The following ZNF362 variants were observed in gnomAD, a reference collection of about 807,000 sequenced individuals.
ZNF362 encodes the protein rotund homolog.
ZNF362 carries 11 observed loss-of-function variants against 42.9 expected under a neutral mutation model. That is an observed-to-expected ratio of 0.26 (90% CI 0.16 to 0.42). ZNF362 has a LOEUF of 0.42. Among genes scored for constraint, ZNF362 ranks in the 20% least tolerant of loss-of-function variants. The pLI is 1.00. For missense variants in ZNF362, 362 were observed against 576.2 expected, an observed-to-expected ratio of 0.63 and a Z score of 3.81; for synonymous variants, 255 against 257.3, an observed-to-expected ratio of 0.99 and a Z score of 0.09.
the ZNF362 span, chr1:33,164,012 GA>G: frequency 6.6e-6 from 1 of 152,326 alleles, no homozygotes; most frequent in Non-Finnish European, 1.5e-5. Flanking sequence ...TGGGGAGAAG[GA>G]ACAGCCCATA....
the ZNF362 span, among the ~76,000 whole-genome samples, chr1:33,247,555 G>C: frequency 6.6e-6 from 1 of 152,262 alleles, no homozygotes; most frequent in African/African-American, 2.4e-5. Context: ...CGAACCAGAT[G>C]TTATGATGTG....
Position 33,281,734 on chromosome 1 carries a change from C to T in ZNF362, c.831C>T (p.His277=), listed in dbSNP as rs1645996227. The part of the protein sequence containing the change: ...ASYLAQHLRI[H]LGVKPYHCSY... Reference sequence around the variant, plus strand: ...ACCTGGCCCAGCACCTGCGCATCCACCTGGGCGTCAAGCCCTACCACTGCT... The same window carrying T: ...ACCTGGCCCAGCACCTGCGCATCCATCTGGGCGTCAAGCCCTACCACTGCT... Residue 277 remains histidine (H), a synonymous_variant, in exon 6 of 9, where the codon CAC becomes CAT. Coordinates refer to ENST00000539719, the MANE Select transcript of ZNF362 (RefSeq NM_152493.3). This position sits in a 1 kb window ranked among gnomAD's most constrained non-coding sequence, Gnocchi z 4.8. 6.2e-7 allele frequency: 1 copy of T among 1,614,266 alleles called. No homozygotes were observed. Among genetic ancestry groups the T allele is most frequent in the Non-Finnish European group, 8.5e-7 (1 of 1,180,048 alleles).
the ZNF362 span, among the ~76,000 whole-genome samples, chr1:33,224,807 T>A: frequency 6.6e-6 from 1 of 152,220 alleles, no homozygotes; most frequent in African/African-American, 2.4e-5. Flanking sequence ...TTAAGAATTA[T>A]GAACTCTATA....
At chr1:33,201,567 A>T in the ZNF362 span, among the ~76,000 whole-genome samples, 2 of 152,222 alleles carry the variant, frequency 1.3e-5, no homozygotes, top group African/African-American at 4.8e-5. Context: ...AAATCAAAAG[A>T]CAAATTAAAA....
At chr1:33,247,824 T>C in the ZNF362 span, among the ~76,000 whole-genome samples, 4 of 152,200 alleles carry the variant, frequency 2.6e-5, no homozygotes, top group East Asian at 1.9e-4. Context: ...AGACAATTTA[T>C]GGATGATAGA....
chr1:33,228,938 T>A, the ZNF362 span, among the ~76,000 whole-genome samples: 1 of 152,152 alleles, frequency 6.6e-6, no homozygotes, highest in Admixed American at 6.5e-5. Flanking sequence ...GGTCCCTCCC[T>A]CTCTGCAGCC....
At chr1:33,162,667 C>G in the ZNF362 span, among the ~76,000 whole-genome samples, 1 of 152,028 alleles carries the variant, frequency 6.6e-6, no homozygotes, top group East Asian at 1.9e-4. Context: ...TTCAATGTCT[C>G]AAGGACGAGA....
chr1:33,276,419 G>A lies in ZNF362; in HGVS notation c.174G>A (p.Leu58=). The change falls in exon 4 of 9, where the codon CTG becomes CTA. Residue 58 remains leucine, a synonymous_variant. Coordinates refer to ENST00000539719, the MANE Select transcript of ZNF362 (RefSeq NM_152493.3). The stretch of plus-strand genomic sequence containing the variant: ...CCGAGAAGATCAGGCCGCCTCACCT[G>A]CCGCCCACGTCGGCCTCGTCGCAGC... ...LMAEKIRPPH[L]PPTSASSQQP... The A allele has an allele frequency of 6.3e-7, 1 of 1,582,536 alleles. No individual in the cohort carries two copies.
At chr1:33,166,724 C>A in the ZNF362 span, among the ~76,000 whole-genome samples, 18 of 152,036 alleles carry the variant, frequency 1.2e-4, no homozygotes, top group Non-Finnish European at 2.2e-4. Context: ...CATGATGACT[C>A]CTGCGATGAA....
chr1:33,179,209 TG>T, the ZNF362 span, among the ~76,000 whole-genome samples: 1 of 152,356 alleles, frequency 6.6e-6, no homozygotes, highest in South Asian at 2.1e-4. Flanking sequence ...ACGATGGCTC[TG>T]GGGGTGGAGG....
chr1:33,276,559 C>A lies in ZNF362; in HGVS notation c.314C>A (p.Ala105Glu), dbSNP rs1201832004. 7.0e-7 allele frequency: 1 copy of A among 1,420,922 alleles called. No individual in the cohort carries two copies. Among genetic ancestry groups the A allele is most frequent in the Non-Finnish European group, 9.1e-7 (1 of 1,094,022 alleles). 88.0% of individuals were successfully genotyped at this position (1,420,922 alleles called of 1,614,324 possible). The stretch of plus-strand genomic sequence containing the variant: ...CAGGCGGTGCCGCAGCCCGACGTGG[C>A]GCTGCACGCACGGCCGGCCACCAGC... ...HPQAVPQPDV[A>E]LHARPATSTV... is the part of the protein sequence containing the mutation. The change falls in exon 4 of 9, where the codon GCG (alanine) becomes GAG (glutamate). Residue 105 changes from alanine (A) to glutamate (E), a missense_variant. Ala to Glu is a moderately radical substitution (Grantham distance 107). Coordinates refer to ENST00000539719, the MANE Select transcript of ZNF362 (RefSeq NM_152493.3).
At chr1:33,271,969 T>C (rs1164099571) in intron 2 of ZNF362, among the ~76,000 whole-genome samples, 1 of 151,500 alleles carries the variant, frequency 6.6e-6, no homozygotes, top group Non-Finnish European at 1.5e-5. Flanking sequence ...TGGCTGGAGG[T>C]GGGGACTTCG....
the ZNF362 span, among the ~76,000 whole-genome samples, chr1:33,251,409 C>G: frequency 6.5e-3 from 993 of 152,286 alleles, 11 homozygotes; most frequent in African/African-American, 0.023. Context: ...AAGGTCCAAA[C>G]CATTGCCACC....
At chr1:33,196,605 T>C in the ZNF362 span, among the ~76,000 whole-genome samples, 3 of 152,202 alleles carry the variant, frequency 2.0e-5, no homozygotes, top group Non-Finnish European at 4.4e-5. Flanking sequence ...AGAGGTTGTT[T>C]TGCAGTTAAC....
chr1:33,241,168 T>G, the ZNF362 span, among the ~76,000 whole-genome samples: 1 of 151,344 alleles, frequency 6.6e-6, no homozygotes, highest in African/African-American at 2.4e-5. Context: ...AAATCAGTCC[T>G]GATCACTGGA....
At chr1:33,250,779 GA>G in the ZNF362 span, among the ~76,000 whole-genome samples, 1 of 150,076 alleles carries the variant, frequency 6.7e-6, no homozygotes, top group Non-Finnish European at 1.5e-5. Flanking sequence ...GAAGGAAGAA[GA>G]AAGAAGGAGA....
At chr1:33,227,744 C>G in the ZNF362 span, among the ~76,000 whole-genome samples, 5 of 152,144 alleles carry the variant, frequency 3.3e-5, no homozygotes, top group African/African-American at 1.2e-4. Context: ...AGACCTACTC[C>G]TGGCTCTACC....
chr1:33,274,036 G>A (rs965980396), intron 2 of ZNF362, among the ~76,000 whole-genome samples: 2 of 152,198 alleles, frequency 1.3e-5, no homozygotes, highest in African/African-American at 2.4e-5. Context: ...TTTACATCTC[G>A]GTCCCCTCCA....
At chr1:33,295,375 C>T in intron 8 of ZNF362, 70 bp downstream of exon 8, 1 of 1,553,244 alleles carries the variant, frequency 6.4e-7, no homozygotes, top group Non-Finnish European at 8.7e-7. Context: ...GTTGCTTCCC[C>T]ATTGTCAGAT....
Sources: gnomAD v4.1 joint callset for allele counts (sites outside exome capture counted in the v4.1 genomes callset) on GRCh38, gnomAD v4.1.1 for gene constraint, Gnocchi (gnomAD v3.1) non-coding constraint, MANE v1.5 for transcripts, NCBI Gene and HGNC (gene_info 2026-07-23, HGNC 2026-07-21) for gene names.